Variants in KIAA1328 observed in about 807,000 individuals in gnomAD.
The protein encoded by KIAA1328 is protein hinderin.
KIAA1328 carries 52 observed loss-of-function variants against 68.1 expected under a neutral mutation model. That is an observed-to-expected ratio of 0.76 (90% confidence interval 0.61 to 0.96). The LOEUF is 0.96. Among genes scored for constraint, KIAA1328 ranks in the 40% least tolerant of loss-of-function variants. The pLI is 0.00. For missense variants in KIAA1328, 641 were observed against 677.6 expected (o/e 0.95, Z 0.60); for synonymous variants, 232 against 239.4 (o/e 0.97, Z 0.28).
chr18:37,215,218 G>C (rs1165808472), intron 9 of KIAA1328, among the ~76,000 whole-genome samples: 2 of 152,182 alleles, frequency 1.3e-5, no homozygotes, highest in Non-Finnish European at 2.9e-5. Context: ...GGGCATCCCT[G>C]TCTTGTGCCA....
At chr18:36,853,671 AT>A (rs927017831) in intron 4 of KIAA1328, among the ~76,000 whole-genome samples, 1 of 150,298 alleles carries the variant, frequency 6.7e-6, no homozygotes, top group Non-Finnish European at 1.5e-5. Context: ...TTTTATTTTT[AT>A]TTTTTTGACA....
At chr18:37,145,771 A>G (rs1282320453) in intron 7 of KIAA1328, among the ~76,000 whole-genome samples, 1 of 152,158 alleles carries the variant, frequency 6.6e-6, no homozygotes, top group African/African-American at 2.4e-5. Flanking sequence ...TAATCATTCC[A>G]GCCTTTCATG....
In KIAA1328 at chr18:37,129,683, T is replaced by C. The variant is rs536284328; in HGVS notation, c.1233-30517T>C. 5.9e-5 allele frequency among the ~76,000 whole-genome samples: 9 copies of C among 152,340 alleles called. No individual in the cohort carries two copies. In the South Asian group the frequency reaches 1.4e-3, roughly 25 times the overall value. ...GAGTTAGCCACCCTAATTTCTTCAA[T>C]AGTAAATATTTACATAATCATAATA... On this transcript the variant is annotated intron_variant, in intron 7 of 9. Coordinates refer to ENST00000280020, the MANE Select transcript of KIAA1328 (RefSeq NM_020776.3).
chr18:37,203,714 A>G lies in KIAA1328; in HGVS notation c.1524-18303A>G, dbSNP rs576057013. 2.0e-5 allele frequency among the ~76,000 whole-genome samples: 3 copies of G among 152,272 alleles called. No individual in the cohort carries two copies. The South Asian group carries it at 6.2e-4, about 32-fold the overall frequency. ...GAGGCACAGCCAGGCCAGGGAGGGC[A>G]TACTGGTTTGGCTTTGCCCTGCAGC... is the stretch of plus-strand genomic sequence containing the variant. On this transcript the variant is annotated intron_variant, in intron 9 of 9. Coordinates refer to ENST00000280020, the MANE Select transcript of KIAA1328 (RefSeq NM_020776.3).
intron 9 of KIAA1328, among the ~76,000 whole-genome samples, chr18:37,213,551 A>G (rs2060361411): frequency 6.6e-6 from 1 of 152,140 alleles, no homozygotes; most frequent in Admixed American, 6.5e-5. Flanking sequence ...TCTATCATTG[A>G]TGGACATTTG....
intron 5 of KIAA1328, among the ~76,000 whole-genome samples, chr18:36,952,823 T>C (rs1355306659): frequency 6.6e-6 from 1 of 152,108 alleles, no homozygotes; most frequent in Non-Finnish European, 1.5e-5. Context: ...TAGTAACAGT[T>C]TGTCACCTGA....
chr18:37,161,367 T>C (rs966299047), intron 8 of KIAA1328, among the ~76,000 whole-genome samples: 2 of 152,214 alleles, frequency 1.3e-5, no homozygotes, highest in Non-Finnish European at 2.9e-5. Context: ...TTGATTGTGA[T>C]TAATCTAGAA....
intron 4 of KIAA1328, among the ~76,000 whole-genome samples, chr18:36,875,394 G>C (rs2048086196): frequency 6.6e-6 from 1 of 152,130 alleles, no homozygotes; most frequent in African/African-American, 2.4e-5. Context: ...ACCCTTGTAA[G>C]TTGTATTCCT....
chr18:36,856,893 C>T (rs145055872), intron 4 of KIAA1328, among the ~76,000 whole-genome samples: 72 of 152,304 alleles, frequency 4.7e-4, no homozygotes, highest in African/African-American at 1.6e-3. Flanking sequence ...GCTATTTTTA[C>T]AAAGACTTCC....
At chr18:37,229,881 A>G (rs1321268790), downstream of KIAA1328, 16 of 140,802 alleles carry the variant, frequency 1.1e-4, no homozygotes, top group African/African-American at 4.3e-4. Flanking sequence ...GCAAGACTCC[A>G]TCTCAAAAAA....
At chr18:37,218,681 C>T (rs1256937750) in intron 9 of KIAA1328, among the ~76,000 whole-genome samples, 1 of 152,196 alleles carries the variant, frequency 6.6e-6, no homozygotes, top group East Asian at 1.9e-4. Flanking sequence ...TTAAGGTCTT[C>T]TCTACACTGT....
chr18:36,835,521 A>T (rs1424118391), intron 3 of KIAA1328, 145 bp downstream of exon 3: 1 of 836,560 alleles, frequency 1.2e-6, no homozygotes, highest in Non-Finnish European at 1.8e-6. Flanking sequence ...TCCTTTGATG[A>T]TGCCAGGTTT....
intron 6 of KIAA1328, among the ~76,000 whole-genome samples, chr18:37,053,586 A>G (rs1195195314): frequency 2.0e-5 from 3 of 152,328 alleles, no homozygotes; most frequent in East Asian, 1.9e-4. Context: ...TCACAGTGCT[A>G]TAAAGAAATA....
chr18:37,029,364 G>A (rs1233694198), intron 6 of KIAA1328, among the ~76,000 whole-genome samples: 1 of 151,722 alleles, frequency 6.6e-6, no homozygotes, highest in Non-Finnish European at 1.5e-5. Context: ...TGTCTGCCTC[G>A]TCATTTCTGA....
chr18:37,230,997 A>G (rs906253012), downstream of KIAA1328: 1 of 152,298 alleles, frequency 6.6e-6, no homozygotes, highest in Non-Finnish European at 1.5e-5. Context: ...TCCCAAGGAC[A>G]TGCTGCTGTT....
At chr18:37,106,098 C>T (rs887847725) in intron 7 of KIAA1328, among the ~76,000 whole-genome samples, 1 of 151,764 alleles carries the variant, frequency 6.6e-6, no homozygotes, top group Non-Finnish European at 1.5e-5. Flanking sequence ...TTTATAATAG[C>T]TGAAAAATGG....
intron 9 of KIAA1328, among the ~76,000 whole-genome samples, chr18:37,211,210 G>A (rs1049837861): frequency 6.6e-6 from 1 of 152,178 alleles, no homozygotes; most frequent in Non-Finnish European, 1.5e-5. Flanking sequence ...AAAGATTGAA[G>A]ACATTCTAGT....
chr18:37,072,755 A>G (rs1411946200), intron 7 of KIAA1328, among the ~76,000 whole-genome samples: 1 of 151,914 alleles, frequency 6.6e-6, no homozygotes, highest in African/African-American at 2.4e-5. Context: ...CCCATTCCCT[A>G]AGTTCCTTCC....
chr18:37,142,569 G>A (rs796485661), intron 7 of KIAA1328, among the ~76,000 whole-genome samples: 86 of 151,942 alleles, frequency 5.7e-4, no homozygotes, highest in African/African-American at 2.0e-3. Flanking sequence ...TCACTGAATT[G>A]CCTGATACAT....
Sources: gnomAD v4.1 joint callset for allele counts (sites outside exome capture counted in the v4.1 genomes callset) on GRCh38, gnomAD v4.1.1 for gene constraint, MANE v1.5 for transcripts, NCBI Gene and HGNC (gene_info 2026-07-23, HGNC 2026-07-21) for gene names.